Variants in EPHA5 observed in about 807,000 individuals in gnomAD.
EPHA5 encodes the protein EPH receptor A5.
EPHA5 carries 60 observed loss-of-function variants against 105.0 expected under a neutral mutation model. The ratio of observed to expected loss-of-function variants is 0.57; its 90% confidence interval spans 0.46 to 0.71. The LOEUF (loss-of-function observed/expected upper bound fraction) is 0.71. Ranked by LOEUF, EPHA5 falls within the 30% of genes least tolerant of loss-of-function variation. The probability of loss-of-function intolerance (pLI) is 0.00; values close to 1 mark genes in which losing one functional copy is unlikely to be tolerated. For missense variants in EPHA5, 1,218 were observed against 1,274.7 expected (o/e 0.96, Z 0.68); for synonymous variants, 513 against 449.1 (o/e 1.14, Z -1.80).
intron 5 of EPHA5, among the ~76,000 whole-genome samples, chr4:65,462,463 T>C (rs1042867558): frequency 2.6e-5 from 4 of 152,144 alleles, no homozygotes; most frequent in African/African-American, 7.2e-5. Context: ...GGGGGTCTTC[T>C]CCTGGTCTTG....
intron 2 of EPHA5, among the ~76,000 whole-genome samples, chr4:65,609,120 A>T (rs1744516938): frequency 6.6e-6 from 1 of 152,300 alleles, no homozygotes; most frequent in East Asian, 1.9e-4. Flanking sequence ...TACATATAAC[A>T]ACAAGAAAAA....
At chr4:65,442,280 C>T (rs987596109) in intron 5 of EPHA5, among the ~76,000 whole-genome samples, 10 of 152,016 alleles carry the variant, frequency 6.6e-5, no homozygotes, top group Admixed American at 1.3e-4. Flanking sequence ...AAGAGGAAAC[C>T]TTAAAGAGAT....
intron 3 of EPHA5, among the ~76,000 whole-genome samples, chr4:65,579,365 T>C (rs973686626): frequency 3.5e-4 from 51 of 146,862 alleles, no homozygotes; most frequent in African/African-American, 1.2e-3. Flanking sequence ...TGTGTATATA[T>C]ATATATATAT....
At chr4:65,382,869 G>C (rs1160228932) in intron 8 of EPHA5, among the ~76,000 whole-genome samples, 3 of 151,544 alleles carry the variant, frequency 2.0e-5, no homozygotes, top group African/African-American at 7.3e-5. Flanking sequence ...TATTATAATA[G>C]TTCTTTGGGA....
intron 5 of EPHA5, among the ~76,000 whole-genome samples, chr4:65,476,106 G>GAC (rs1429572377): frequency 9.8e-6 from 1 of 101,526 alleles, no homozygotes; most frequent in Admixed American, 1.1e-4. Context: ...CACTGAGAGA[G>GAC]AGAGAGAGAG....
chr4:65,342,132 A>G (rs1721788107), intron 14 of EPHA5, among the ~76,000 whole-genome samples: 1 of 149,178 alleles, frequency 6.7e-6, no homozygotes, highest in Non-Finnish European at 1.5e-5. Context: ...GTAGAATCCA[A>G]GATGACTGGT....
chr4:65,335,368 A>C (rs2148810735), intron 15 of EPHA5, among the ~76,000 whole-genome samples: 1 of 152,132 alleles, frequency 6.6e-6, no homozygotes, highest in South Asian at 2.1e-4. Flanking sequence ...TACTCCCACA[A>C]ATTTTCTCCA....
chr4:65,333,522 C>T (rs919598730), intron 15 of EPHA5, among the ~76,000 whole-genome samples: 148 of 125,204 alleles, frequency 1.2e-3, no homozygotes, highest in Middle Eastern at 4.2e-3. Context: ...TGTGCGTGTG[C>T]GTGTGAGAGT....
chr4:65,550,815 G>C (rs1344532690), intron 3 of EPHA5, among the ~76,000 whole-genome samples: 1 of 151,974 alleles, frequency 6.6e-6, no homozygotes, highest in Non-Finnish European at 1.5e-5. Context: ...CAGCCTGGGC[G>C]ACAGAGCCAG....
chr4:65,585,099 T>C (rs2149404144), intron 3 of EPHA5, among the ~76,000 whole-genome samples: 1 of 145,306 alleles, frequency 6.9e-6, no homozygotes, highest in South Asian at 2.2e-4. Context: ...TGCATGCATG[T>C]ATATGTGTGT....
chr4:65,425,697 T>C (rs970934391), intron 5 of EPHA5, among the ~76,000 whole-genome samples: 3 of 152,052 alleles, frequency 2.0e-5, no homozygotes, highest in African/African-American at 7.2e-5. Flanking sequence ...GAAAGTTGGA[T>C]CAGTATTGAG....
intron 2 of EPHA5, among the ~76,000 whole-genome samples, chr4:65,635,153 AG>A: frequency 3.5e-5 from 1 of 28,238 alleles, no homozygotes; most frequent in African/African-American, 1.1e-4. Context: ...AAAGGTTCTC[AG>A]TCTCAAAGAA....
chr4:65,449,240 C>T (rs1289335337), intron 5 of EPHA5, among the ~76,000 whole-genome samples: 3 of 151,922 alleles, frequency 2.0e-5, no homozygotes, highest in South Asian at 2.1e-4. Context: ...AGTTTAAAAC[C>T]GTTTTTCAGA....
At chr4:65,540,809 A>G (rs1349802641) in intron 3 of EPHA5, among the ~76,000 whole-genome samples, 1 of 149,468 alleles carries the variant, frequency 6.7e-6, no homozygotes, top group Non-Finnish European at 1.5e-5. Context: ...TAATGGTATG[A>G]GTTTCAGAGA....
chr4:65,663,313 C>T (rs901685910), intron 1 of EPHA5, among the ~76,000 whole-genome samples: 23 of 152,054 alleles, frequency 1.5e-4, no homozygotes, highest in African/African-American at 5.1e-4. Flanking sequence ...GTTAGACTAA[C>T]ATTAAAATGA....
intron 3 of EPHA5, among the ~76,000 whole-genome samples, chr4:65,579,935 TAA>T (rs1425315842): frequency 6.6e-6 from 1 of 151,970 alleles, no homozygotes; most frequent in African/African-American, 2.4e-5. Context: ...CAACAAAGAT[TAA>T]GATTGCTTCT....
chr4:65,336,355 T>C (rs1014690648), intron 14 of EPHA5, among the ~76,000 whole-genome samples: 1 of 152,092 alleles, frequency 6.6e-6, no homozygotes, highest in Non-Finnish European at 1.5e-5. Context: ...GTATTATAAA[T>C]AAAATAAATG....
chr4:65,392,334 T>C (rs907876562), intron 8 of EPHA5, among the ~76,000 whole-genome samples: 6 of 152,154 alleles, frequency 3.9e-5, no homozygotes, highest in African/African-American at 1.4e-4. Context: ...GCTTCTGAGA[T>C]TTACTTTTAT....
intron 5 of EPHA5, among the ~76,000 whole-genome samples, chr4:65,485,455 CTAGT>C (rs1377318102): frequency 6.6e-6 from 1 of 152,058 alleles, no homozygotes; most frequent in East Asian, 1.9e-4. Context: ...TGAACCAATT[CTAGT>C]ATTTGACTTT....
Sources: gnomAD v4.1 joint callset for allele counts (sites outside exome capture counted in the v4.1 genomes callset) on GRCh38, gnomAD v4.1.1 for gene constraint, MANE v1.5 for transcripts, NCBI Gene and HGNC (gene_info 2026-07-23, HGNC 2026-07-21) for gene names.